Variants in DDAH1 observed in about 807,000 individuals in gnomAD.
The protein encoded by DDAH1 is dimethylarginine dimethylaminohydrolase 1.
In DDAH1, 19 loss-of-function variants were observed where a neutral mutation model predicts 28.8. The observed-to-expected ratio is 0.66, with a 90% CI of 0.46 to 0.97. The LOEUF (loss-of-function observed/expected upper bound fraction) is 0.97, where lower values mean the gene tolerates loss of function less well. Ranked by LOEUF, DDAH1 falls within the 50% of genes least tolerant of loss-of-function variation. DDAH1 has a pLI of 0.00. For missense variants in DDAH1, 326 were observed against 375.9 expected, an observed-to-expected ratio of 0.87 and a Z score of 1.10; for synonymous variants, 153 against 154.4, an observed-to-expected ratio of 0.99 and a Z score of 0.07.
intron 1 of DDAH1, among the ~76,000 whole-genome samples, chr1:85,564,803 G>T (rs1200911742): frequency 1.3e-5 from 2 of 151,730 alleles, no homozygotes; most frequent in Non-Finnish European, 2.9e-5. Context: ...GGCAGAGGTT[G>T]CAGTGAGCCG....
chr1:85,401,890 G>A (rs920067209), intron 1 of DDAH1, among the ~76,000 whole-genome samples: 1 of 152,076 alleles, frequency 6.6e-6, no homozygotes, highest in South Asian at 2.1e-4. Flanking sequence ...TTAAAAAGAA[G>A]CACAATTACT....
chr1:85,432,314 C>T (rs1184642211), intron 1 of DDAH1, among the ~76,000 whole-genome samples: 1 of 152,108 alleles, frequency 6.6e-6, no homozygotes, highest in East Asian at 1.9e-4. Flanking sequence ...TTAAGCAGGC[C>T]CTCAGCTAGC....
At chr1:85,566,555 A>G (rs12082212) in intron 1 of DDAH1, among the ~76,000 whole-genome samples, 8,922 of 151,930 alleles carry the variant, frequency 0.059, 839 homozygotes, top group African/African-American at 0.2. Context: ...TGAATAAGAA[A>G]GCAAAACCCA....
chr1:85,536,336 C>T (rs1158803751), intron 1 of DDAH1, among the ~76,000 whole-genome samples: 5 of 151,946 alleles, frequency 3.3e-5, no homozygotes, highest in African/African-American at 7.2e-5. Flanking sequence ...GGGTGGATCA[C>T]GAGGTCAGGA....
intron 2 of DDAH1, chr1:85,482,391 T>C (rs1205587607): frequency 6.6e-6 from 1 of 152,320 alleles, no homozygotes; most frequent in East Asian, 1.9e-4. Context: ...TCAAAAAACG[T>C]CTTTCAACAG....
At position 85,395,456 on chromosome 1, in the gene DDAH1, T is replaced by C. The variant is rs193180306; in HGVS notation, c.304-36609A>G. On this transcript the variant is annotated intron_variant, in intron 1 of 5. Coordinates refer to ENST00000284031, the MANE Select transcript of DDAH1 (RefSeq NM_012137.4). ...GGGAGGCCAAGGTGGGTGGATCACC[T>C]GAGGGAGGGAGTTCAAGACCAGCCT... 4.9e-3 allele frequency among the ~76,000 whole-genome samples: 739 copies of C among 152,244 alleles called. 2 individuals carry two copies. The highest frequency in any genetic ancestry group is 0.017 in the African/African-American group (709 of 41,552).
chr1:85,510,904 G>A (rs1657201339), intron 1 of DDAH1, among the ~76,000 whole-genome samples: 1 of 152,144 alleles, frequency 6.6e-6, no homozygotes, highest in Non-Finnish European at 1.5e-5. Context: ...AATAATGGGA[G>A]ACCTTAACAC....
chr1:85,327,068 A>G (rs948906599), intron 4 of DDAH1, among the ~76,000 whole-genome samples: 3 of 152,248 alleles, frequency 2.0e-5, no homozygotes, highest in East Asian at 1.9e-4. Context: ...GGCTGCTTCC[A>G]AAACACAATA....
chr1:85,400,120 G>C (rs1315620866), intron 1 of DDAH1, among the ~76,000 whole-genome samples: 2 of 151,796 alleles, frequency 1.3e-5, no homozygotes, highest in African/African-American at 4.8e-5. Flanking sequence ...AACAATCAGG[G>C]AGGAATGCCT....
At chr1:85,524,227 T>C (rs1316977241) in intron 1 of DDAH1, among the ~76,000 whole-genome samples, 1 of 150,098 alleles carries the variant, frequency 6.7e-6, no homozygotes, top group Admixed American at 6.7e-5. Flanking sequence ...GGGACAATAA[T>C]AATGAACACT....
At chr1:85,423,011 C>A (rs1008597013) in intron 1 of DDAH1, among the ~76,000 whole-genome samples, 1 of 152,188 alleles carries the variant, frequency 6.6e-6, no homozygotes, top group Admixed American at 6.5e-5. Context: ...CAATCTATGG[C>A]ATTTTGTTAT....
At chr1:85,537,033 A>T (rs1466777577) in intron 1 of DDAH1, among the ~76,000 whole-genome samples, 1 of 149,294 alleles carries the variant, frequency 6.7e-6, no homozygotes. Flanking sequence ...TACACAGTGG[A>T]ATACTATTCA....
At chr1:85,428,405 T>C (rs972463289) in intron 1 of DDAH1, among the ~76,000 whole-genome samples, 10 of 152,108 alleles carry the variant, frequency 6.6e-5, no homozygotes, top group South Asian at 4.1e-4. Context: ...CTGCCTTTTA[T>C]AAAACCATCA....
chr1:85,470,607 C>T lies in DDAH1; in HGVS notation c.-7+25559G>A, dbSNP rs1570584765. 3.9e-5 allele frequency among the ~76,000 whole-genome samples: 6 copies of T among 152,222 alleles called. No homozygotes were observed. In the East Asian group the frequency reaches 1.2e-3, roughly 29 times the overall value. ...TAAGTACCATAAATCTGCAATTTGACAGTAAGTCCTGAGTGTTTTAACATA... is the reference window on the plus strand; with the variant it reads ...TAAGTACCATAAATCTGCAATTTGATAGTAAGTCCTGAGTGTTTTAACATA... On this transcript the variant is annotated intron_variant, in intron 2 of 6. Coordinates refer to the DDAH1 transcript ENST00000426972.
chr1:85,487,878 C>T (rs1303442169), intron 2 of DDAH1, among the ~76,000 whole-genome samples: 1 of 151,972 alleles, frequency 6.6e-6, no homozygotes, highest in African/African-American at 2.4e-5. Context: ...CTCTTTTCTC[C>T]CCTACTTAAA....
At chr1:85,415,308 C>A (rs1652843423) in intron 1 of DDAH1, among the ~76,000 whole-genome samples, 2 of 152,172 alleles carry the variant, frequency 1.3e-5, no homozygotes, top group African/African-American at 2.4e-5. Flanking sequence ...AACCACTGCA[C>A]CTGGCCAAGC....
intron 4 of DDAH1, among the ~76,000 whole-genome samples, chr1:85,328,162 T>C (rs562052991): frequency 6.6e-6 from 1 of 152,354 alleles, no homozygotes; most frequent in African/African-American, 2.4e-5. Flanking sequence ...AGAAGGGCAC[T>C]ATACTCTGTG....
chr1:85,355,274 T>C (rs780455483), intron 2 of DDAH1, among the ~76,000 whole-genome samples: 26 of 152,172 alleles, frequency 1.7e-4, no homozygotes, highest in Non-Finnish European at 3.8e-4. Flanking sequence ...CAAGAGCCTG[T>C]TTCCAAAGTT....
intron 4 of DDAH1, among the ~76,000 whole-genome samples, chr1:85,346,623 TA>T (rs1366263699): frequency 1.3e-5 from 2 of 152,164 alleles, no homozygotes; most frequent in Non-Finnish European, 2.9e-5. Context: ...TTTTGAACTG[TA>T]AAATGGGAAA....
Sources: gnomAD v4.1 joint callset for allele counts (sites outside exome capture counted in the v4.1 genomes callset) on GRCh38, gnomAD v4.1.1 for gene constraint, MANE v1.5 for transcripts, NCBI Gene and HGNC (gene_info 2026-07-23, HGNC 2026-07-21) for gene names.